The following DOCK7 variants were observed in gnomAD, a reference collection of about 807,000 sequenced individuals.
The protein encoded by DOCK7 is dedicator of cytokinesis protein 7.
DOCK7 carries 138 observed loss-of-function variants against 271.0 expected under a neutral mutation model. That is an observed-to-expected ratio of 0.51 (90% CI 0.44 to 0.59). The LOEUF (loss-of-function observed/expected upper bound fraction) is 0.59. Among genes scored for constraint, DOCK7 ranks in the 20% least tolerant of loss-of-function variants. The pLI, the probability that DOCK7 is intolerant of heterozygous loss-of-function variation, is 0.00. For missense variants in DOCK7, 2,066 were observed against 2,592.4 expected (o/e 0.80, Z 4.41); for synonymous variants, 823 against 876.1 (o/e 0.94, Z 1.07).
At chr1:62,626,316 C>G (rs1653949285) in intron 11 of DOCK7, among the ~76,000 whole-genome samples, 1 of 151,628 alleles carries the variant, frequency 6.6e-6, no homozygotes, top group Admixed American at 6.6e-5. Context: ...CTTCAACAAA[C>G]TACAAACTAC....
At chr1:62,657,640 C>T (rs547960991) in intron 2 of DOCK7, among the ~76,000 whole-genome samples, 1 of 152,162 alleles carries the variant, frequency 6.6e-6, no homozygotes, top group South Asian at 2.1e-4. Flanking sequence ...AATAATTCAA[C>T]AGCAATTGTA....
Position 62,462,410 on chromosome 1 carries a change from A to G in DOCK7, c.6213-4705T>C, listed in dbSNP as rs542195010. Among the ~76,000 whole-genome samples, 7 of 152,364 alleles carry G rather than the reference A, an allele frequency of 4.6e-5. No homozygotes were observed. The South Asian group carries it at 1.4e-3, about 32-fold the overall frequency. ...AGCTTATTATAAAGCGGCAGTAGTT[A>G]AGAGAGCATGACATTAGCTGAAAGA... On this transcript the variant is annotated intron_variant, in intron 48 of 49. Coordinates refer to ENST00000635253, the MANE Select transcript of DOCK7 (RefSeq NM_001367561.1).
At chr1:62,581,890 T>C (rs1647135706) in intron 16 of DOCK7, among the ~76,000 whole-genome samples, 1 of 152,168 alleles carries the variant, frequency 6.6e-6, no homozygotes. Context: ...GTTGTGTTTT[T>C]AAGTATGGAA....
At chr1:62,639,884 A>G (rs904064338) in intron 7 of DOCK7, among the ~76,000 whole-genome samples, 13 of 152,036 alleles carry the variant, frequency 8.6e-5, no homozygotes, top group Non-Finnish European at 1.6e-4. Flanking sequence ...CCAAAAATGT[A>G]TATGTAGAGT....
intron 14 of DOCK7, chr1:62,598,025 T>A: frequency 6.3e-7 from 1 of 1,577,860 alleles, no homozygotes; most frequent in South Asian, 1.2e-5. Context: ...AAAATCAACC[T>A]GAAACTCCAG....
intron 14 of DOCK7, among the ~76,000 whole-genome samples, chr1:62,610,115 C>T (rs1448376560): frequency 1.3e-5 from 2 of 152,128 alleles, no homozygotes; most frequent in Admixed American, 6.6e-5. Context: ...TCCCAAAGTG[C>T]TAAGATTACA....
chr1:62,503,100 TAAG>T (rs1191503384), intron 37 of DOCK7, among the ~76,000 whole-genome samples: 2 of 152,110 alleles, frequency 1.3e-5, no homozygotes, highest in Non-Finnish European at 2.9e-5. Flanking sequence ...GAAAAACTCT[TAAG>T]AAGATACAGT....
chr1:62,463,341 TA>T (rs1361398170), intron 48 of DOCK7, among the ~76,000 whole-genome samples: 2 of 152,192 alleles, frequency 1.3e-5, no homozygotes, highest in Non-Finnish European at 2.9e-5. Context: ...GGTTAGGATA[TA>T]TAGTAATAGG....
At chr1:62,515,761 A>C (rs948968684) in intron 31 of DOCK7, among the ~76,000 whole-genome samples, 8 of 152,354 alleles carry the variant, frequency 5.3e-5, no homozygotes, top group Admixed American at 1.3e-4. Flanking sequence ...GAGAGCCAAG[A>C]TACTCTTGAA....
intron 4 of DOCK7, among the ~76,000 whole-genome samples, chr1:62,651,210 C>T (rs1258706728): frequency 6.7e-6 from 1 of 149,264 alleles, no homozygotes; most frequent in Non-Finnish European, 1.5e-5. Context: ...AAACCAAACA[C>T]CACATGTTCT....
intron 43 of DOCK7, among the ~76,000 whole-genome samples, chr1:62,480,839 C>T (rs534809871): frequency 7.9e-5 from 12 of 152,214 alleles, no homozygotes; most frequent in Admixed American, 3.9e-4. Flanking sequence ...GAAACCCTGT[C>T]TCTACTAAAA....
chr1:62,587,323 A>AG, intron 14 of DOCK7, among the ~76,000 whole-genome samples: 1 of 147,608 alleles, frequency 6.8e-6, no homozygotes, highest in Non-Finnish European at 1.5e-5. Flanking sequence ...AAAAAAAAAA[A>AG]GAATCAAGAG....
chr1:62,687,150 A>G (rs1661878276), intron 1 of DOCK7, among the ~76,000 whole-genome samples: 1 of 152,224 alleles, frequency 6.6e-6, no homozygotes, highest in Non-Finnish European at 1.5e-5. Context: ...CCCCAAAACA[A>G]AAAAAGGTAA....
chr1:62,571,308 G>T (rs965234867), intron 18 of DOCK7, among the ~76,000 whole-genome samples: 4 of 152,036 alleles, frequency 2.6e-5, no homozygotes, highest in African/African-American at 9.7e-5. Flanking sequence ...AAAAAGCTCA[G>T]TATCACTGAT....
intron 18 of DOCK7, among the ~76,000 whole-genome samples, chr1:62,572,815 ATAGCAGAG>A (rs1465877195): frequency 1.2e-4 from 19 of 152,324 alleles, no homozygotes; most frequent in African/African-American, 4.6e-4. Context: ...AATCTGTTCC[ATAGCAGAG>A]AGATTAAGAA....
intron 36 of DOCK7, 142 bp from the exon 37 acceptor site, chr1:62,504,924 A>G (rs920596079): frequency 1.9e-6 from 2 of 1,036,208 alleles, no homozygotes; most frequent in East Asian, 5.4e-5. Flanking sequence ...AATGGTTAAT[A>G]GTGTGAGACA....
chr1:62,613,928 C>T (rs1571773123), intron 14 of DOCK7, among the ~76,000 whole-genome samples: 1 of 152,040 alleles, frequency 6.6e-6, no homozygotes, highest in East Asian at 1.9e-4. Flanking sequence ...ATAGGGATAA[C>T]CACATTGGTT....
At chr1:62,553,312 T>TATATATATATATA (rs1553168301) in intron 21 of DOCK7, among the ~76,000 whole-genome samples, 3 of 20,586 alleles carry the variant, frequency 1.5e-4, no homozygotes, top group African/African-American at 6.0e-4. Context: ...AAAAAGTATT[T>TATATATATATATA]TATATATATA....
At position 62,475,529 on chromosome 1, in the gene DOCK7, G is replaced by C. The variant is rs960281066; in HGVS notation, c.5961+178C>G. The C allele has an allele frequency of 5.0e-5, 55 of 1,097,084 alleles. 1 individual carries two copies. The South Asian group carries it at 8.7e-4, about 17-fold the overall frequency. The allele number at this position is 1,097,084 out of a possible 1,614,324, so 68.0% of individuals were successfully genotyped here. On this transcript the variant is annotated intron_variant, in intron 46 of 49. Transcript: ENST00000635253. ...AAAAAATCAACCTTTTAAAGAAAAAGCTGGGGGTGAATTAGGGTCTTAGAA... is the reference window on the plus strand; with the variant it reads ...AAAAAATCAACCTTTTAAAGAAAAACCTGGGGGTGAATTAGGGTCTTAGAA...
Sources: gnomAD v4.1 joint callset for allele counts (sites outside exome capture counted in the v4.1 genomes callset) on GRCh38, gnomAD v4.1.1 for gene constraint, MANE v1.5 for transcripts, NCBI Gene and HGNC (gene_info 2026-07-23, HGNC 2026-07-21) for gene names.